ACE: variants seen among roughly 807,000 people sequenced by gnomAD.
ACE encodes the protein angiotensin-converting enzyme.
A neutral mutation model predicts 162.3 loss-of-function variants in ACE; 122 were observed. The observed-to-expected ratio is 0.75, with a 90% CI of 0.65 to 0.87. The LOEUF (loss-of-function observed/expected upper bound fraction) is 0.87. Ranked by LOEUF, ACE falls within the 40% of genes least tolerant of loss-of-function variation. The pLI, the probability that ACE is intolerant of heterozygous loss-of-function variation, is 0.00. For synonymous variants in ACE, 796 were observed against 720.6 expected, an observed-to-expected ratio of 1.10 and a Z score of -1.68; for missense variants, 1,799 against 1,735.1, an observed-to-expected ratio of 1.04 and a Z score of -0.65.
intron 13 of ACE, chr17:63,485,910 A>G (rs975503732): frequency 1.0e-5 from 2 of 195,926 alleles, no homozygotes; most frequent in African/African-American, 4.7e-5. Context: ...GTTGGAGACT[A>G]GCCTGGGCAA....
At chr17:63,487,330 T>C (rs550086113) in intron 15 of ACE, among the ~76,000 whole-genome samples, 3 of 152,216 alleles carry the variant, frequency 2.0e-5, no homozygotes, top group African/African-American at 7.2e-5. Flanking sequence ...TCTCCTGTCC[T>C]CTCTGCATGC....
chr17:63,481,270 G>A (rs997521205), intron 6 of ACE, 82 bp downstream of exon 6: 18 of 1,356,462 alleles, frequency 1.3e-5, no homozygotes, highest in Admixed American at 9.2e-5. Flanking sequence ...GCACAGGGGC[G>A]GGAAGGTTTC....
At position 63,496,418 on chromosome 17, in the gene ACE, G is replaced by A. The variant is rs1328570712; in HGVS notation, c.3405G>A (p.Gln1135=). The stretch of plus-strand genomic sequence containing the variant: ...GGTACTTTGTCAGCTTCATCATCCA[G>A]TTCCAGTTCCACGAGGCACTGTGCC... ...YIRYFVSFII[Q]FQFHEALCQA... The change falls in exon 23 of 25, where the codon CAG becomes CAA. Residue 1135 remains glutamine, a synonymous_variant. Coordinates refer to ENST00000290866, the MANE Select transcript of ACE (RefSeq NM_000789.4). The A allele has an allele frequency of 1.2e-6, 2 of 1,614,014 alleles. No homozygotes were observed. The highest frequency in any genetic ancestry group is 3.3e-5 in the Admixed American group (2 of 60,028).
intron 5 of ACE, 105 bp from the exon 6 acceptor site, chr17:63,480,986 G>A: frequency 9.0e-7 from 1 of 1,113,172 alleles, no homozygotes; most frequent in Admixed American, 1.7e-5. Context: ...AGCCCTTGAG[G>A]GCCCCAGGGT....
rs551115783 is a variant in ACE at position 63,489,344 on chromosome 17, C to T, written c.2641+212C>T. ...TGCCACATTCACTGCAGATCTATGTCGGGCAAGTCACCATGGATGGGGGAA... is the reference window on the plus strand; with the variant it reads ...TGCCACATTCACTGCAGATCTATGTTGGGCAAGTCACCATGGATGGGGGAA... On this transcript the variant is annotated intron_variant, in intron 17 of 24. Coordinates refer to ENST00000290866, the MANE Select transcript of ACE (RefSeq NM_000789.4). 3.9e-5 allele frequency among the ~76,000 whole-genome samples: 6 copies of T among 152,262 alleles called. No homozygotes were observed. In the South Asian group the frequency reaches 1.0e-3, roughly 26 times the overall value.
intron 17 of ACE, chr17:63,490,499 T>G (rs900482165): frequency 2.5e-5 from 5 of 200,452 alleles, no homozygotes; most frequent in Admixed American, 1.1e-4. Context: ...AGGGGGGCGG[T>G]CACTTAACTC....
rs967584990 is a variant in ACE at position 63,491,606 on chromosome 17, G to A, written c.2912+225G>A. Among the ~76,000 whole-genome samples the A allele has an allele frequency of 3.9e-5, 6 of 152,190 alleles. No individual in the cohort carries two copies. The highest frequency in any genetic ancestry group is 7.3e-5 in the Non-Finnish European group (5 of 68,036). On this transcript the variant is annotated intron_variant, in intron 19 of 24. Coordinates refer to ENST00000290866, the MANE Select transcript of ACE (RefSeq NM_000789.4). The surrounding 1 kb of genome is among the most constrained non-coding windows in gnomAD (Gnocchi z 4.4). ...ACGCAACAGCTCTGTCAGCCTGGCC[G>A]CTGGGAAGTGCTCAAGGTCCCAGTC...
chr17:63,489,253 G>A (rs1599149819), intron 17 of ACE, 121 bp downstream of exon 17: 2 of 1,273,996 alleles, frequency 1.6e-6, no homozygotes, highest in Admixed American at 2.1e-5. Context: ...CAGCCCTGTG[G>A]GGGATGGTTG....
intron 19 of ACE, 117 bp from the exon 20 acceptor site, chr17:63,493,319 C>T (rs1279675592): frequency 1.8e-5 from 17 of 965,262 alleles, no homozygotes; most frequent in South Asian, 1.4e-4. Flanking sequence ...TGCTGTGTCC[C>T]CTGCATGCTG....
chr17:63,478,266 C>T, intron 2 of ACE, 168 bp downstream of exon 2: 1 of 877,106 alleles, frequency 1.1e-6, no homozygotes, highest in East Asian at 2.7e-5. Context: ...ATTGATTTTT[C>T]TTGGAGATGG....
In ACE at chr17:63,489,084, G is replaced by A. The variant is rs939884644; in HGVS notation, c.2593G>A (p.Gly865Arg). 8.7e-6 allele frequency: 14 copies of A among 1,613,350 alleles called. No individual in the cohort carries two copies. Among genetic ancestry groups the A allele is most frequent in the East Asian group, 6.7e-5 (3 of 44,886 alleles). Residue 865 changes from glycine to arginine, a missense_variant, in exon 17 of 25, where the codon GGG becomes AGG. Coordinates refer to ENST00000290866, the MANE Select transcript of ACE (RefSeq NM_000789.4). The stretch of plus-strand genomic sequence containing the variant: ...GCGCCGGGCCCTGCACCGTCACTAC[G>A]GGGCCCAGCACATCAACCTGGAGGG... ...YVRRALHRHY[G>R]AQHINLEGPI... is the part of the protein sequence containing the mutation.
Position 63,484,307 on chromosome 17 carries a change from A to T in ACE, c.1710-23A>T. 3.7e-6 allele frequency: 6 copies of T among 1,604,134 alleles called. No homozygotes were observed. The highest frequency in any genetic ancestry group is 5.1e-6 in the Non-Finnish European group (6 of 1,177,516). On this transcript the variant is annotated intron_variant, in intron 11 of 24. Transcript: ENST00000290866. The surrounding 1 kb of genome is among the most constrained non-coding windows in gnomAD (Gnocchi z 4.0). Reference sequence around the variant, plus strand: ...ACTCCAGCCTGAGTCCCCTGTGCCCATGGTACCCACTCTGCCCACCAGGAA... The same window carrying T: ...ACTCCAGCCTGAGTCCCCTGTGCCCTTGGTACCCACTCTGCCCACCAGGAA...
intron 4 of ACE, 126 bp downstream of exon 4, chr17:63,480,038 A>G (rs889404512): frequency 1.3e-5 from 18 of 1,435,032 alleles, no homozygotes; most frequent in Non-Finnish European, 1.7e-5. Context: ...TGAGTTTCCC[A>G]GAAAGTGGAG....
chr17:63,487,723 C>T (rs1037447429), intron 15 of ACE, among the ~76,000 whole-genome samples: 16 of 152,212 alleles, frequency 1.1e-4, no homozygotes, highest in Non-Finnish European at 2.2e-4. Flanking sequence ...CCTCCCAGCT[C>T]CCTCTCAACC....
At position 63,497,370 on chromosome 17, in the gene ACE, G is replaced by C; in HGVS notation, c.*4G>C. On this transcript the variant is annotated 3_prime_UTR_variant, in exon 25 of 25. Transcript: ENST00000290866. ...GGTGGAGCTGAGACACTCCTGAGGT[G>C]ACCCGGCTGGGTCGGCCCTGCCCAA... 1 of 1,547,956 alleles carries C rather than the reference G, an allele frequency of 6.5e-7. No individual in the cohort carries two copies. The highest frequency in any genetic ancestry group is 8.7e-7 in the Non-Finnish European group (1 of 1,146,722).
At chr17:63,477,720 A>G (rs2049641935) in intron 1 of ACE, 2 of 625,900 alleles carry the variant, frequency 3.2e-6, no homozygotes, top group South Asian at 3.9e-5. Flanking sequence ...TTCTGGTCCC[A>G]ATTTCTGCTC....
chr17:63,484,944 T>A lies in ACE; in HGVS notation c.1922-292T>A. 6.3e-7 allele frequency: 1 copy of A among 1,599,342 alleles called. No individual in the cohort carries two copies. Among genetic ancestry groups the A allele is most frequent in the Non-Finnish European group, 8.5e-7 (1 of 1,173,224 alleles). On this transcript the variant is annotated intron_variant, in intron 12 of 24. Coordinates refer to ENST00000290866, the MANE Select transcript of ACE (RefSeq NM_000789.4). The surrounding 1 kb of genome is among the most constrained non-coding windows in gnomAD (Gnocchi z 4.0). ...CTCTGCTACGGGCACCCTCTGCTGG[T>A]CCCCAGCCAGGAGGCATCCCAACAG... is the stretch of plus-strand genomic sequence containing the variant.
Position 63,496,923 on chromosome 17 carries a change from C to A in ACE, c.3629C>A (p.Thr1210Lys). Residue 1210 changes from threonine (T) to lysine (K), a missense_variant, in exon 24 of 25, where the codon ACG (threonine) becomes AAG (lysine). Thr to Lys is a moderately conservative substitution (Grantham distance 78, BLOSUM62 -1). Coordinates refer to ENST00000290866, the MANE Select transcript of ACE (RefSeq NM_000789.4). ...YFKPLLDWLR[T>K]ENELHGEKLG... ...AAGCCGCTGCTGGACTGGCTCCGCACGGAGAACGAGCTGCATGGGGAGAAG... is the reference window on the plus strand; with the variant it reads ...AAGCCGCTGCTGGACTGGCTCCGCAAGGAGAACGAGCTGCATGGGGAGAAG... The A allele has an allele frequency of 2.5e-6, 4 of 1,613,506 alleles. No individual in the cohort carries two copies. The highest frequency in any genetic ancestry group is 3.4e-6 in the Non-Finnish European group (4 of 1,179,990).
chr17:63,497,467 C>T lies in ACE; in HGVS notation c.*101C>T, dbSNP rs966487703. The T allele has an allele frequency of 1.9e-6, 2 of 1,047,312 alleles. No individual in the cohort carries two copies. Among genetic ancestry groups the T allele is most frequent in the African/African-American group, 3.2e-5 (2 of 63,450 alleles). 64.9% of individuals were successfully genotyped at this position (1,047,312 alleles called of 1,614,324 possible). A position where few individuals can be genotyped will look rare whatever the true frequency, so the allele number is the denominator to read the frequency against. ...GGACACACCCCACACCCCAGCCCAC[C>T]CTGCTCCTCCTGCCCTGTCCCTGTC... is the stretch of plus-strand genomic sequence containing the variant. On this transcript the variant is annotated 3_prime_UTR_variant, in exon 25 of 25. Coordinates refer to ENST00000290866, the MANE Select transcript of ACE (RefSeq NM_000789.4).
Sources: gnomAD v4.1 joint callset for allele counts (sites outside exome capture counted in the v4.1 genomes callset) on GRCh38, gnomAD v4.1.1 for gene constraint, Gnocchi (gnomAD v3.1) non-coding constraint, MANE v1.5 for transcripts, NCBI Gene and HGNC (gene_info 2026-07-23, HGNC 2026-07-21) for gene names.